Variants in UBL3 observed in about 807,000 individuals in gnomAD.
The protein encoded by UBL3 is ubiquitin-like protein 3.
Under a neutral mutation model 18.4 loss-of-function variants are expected in UBL3, and 6 were observed. That is an observed-to-expected ratio of 0.33 (90% confidence interval 0.18 to 0.64). The LOEUF (loss-of-function observed/expected upper bound fraction) is 0.64. Among genes scored for constraint, UBL3 ranks in the 30% least tolerant of loss-of-function variants. The pLI, the probability that UBL3 is intolerant of heterozygous loss-of-function variation, is 0.76. For missense variants in UBL3, 109 were observed against 142.9 expected (o/e 0.76, Z 1.21); for synonymous variants, 49 against 46.6 (o/e 1.05, Z -0.21).
At chr13:29,796,398 A>G (rs532627963) in intron 1 of UBL3, among the ~76,000 whole-genome samples, 167 of 152,336 alleles carry the variant, frequency 1.1e-3, no homozygotes, top group African/African-American at 3.7e-3. Context: ...TTAAACTGCA[A>G]TTATAAATTA....
intron 2 of UBL3, among the ~76,000 whole-genome samples, chr13:29,774,125 C>CT (rs757677987): frequency 2.3e-4 from 35 of 151,846 alleles, no homozygotes; most frequent in Non-Finnish European, 4.6e-4. Context: ...GAATCAAAAT[C>CT]TTTTTTTTGA....
At position 29,810,218 on chromosome 13, in the gene UBL3, T is replaced by C. The variant is rs183475693; in HGVS notation, c.28-32955A>G. Among the ~76,000 whole-genome samples, 182 of 152,148 alleles carry C rather than the reference T, an allele frequency of 1.2e-3. No individual in the cohort carries two copies. The Middle Eastern group carries it at 0.02, about 17-fold the overall frequency. On this transcript the variant is annotated intron_variant, in intron 1 of 4. Coordinates refer to ENST00000380680, the MANE Select transcript of UBL3 (RefSeq NM_007106.4). ...AATCCTAAATTTGTTTTTTAAAAAG[T>C]GGAGATGTTAAAAATAACTGGCCAC...
At chr13:29,804,896 T>C (rs564310906) in intron 1 of UBL3, among the ~76,000 whole-genome samples, 141 of 152,326 alleles carry the variant, frequency 9.3e-4, no homozygotes, top group Non-Finnish European at 1.7e-3. Context: ...CAGAAACAGC[T>C]TATAATGCAT....
intron 1 of UBL3, among the ~76,000 whole-genome samples, chr13:29,837,665 C>T (rs527445772): frequency 6.6e-5 from 10 of 152,202 alleles, no homozygotes; most frequent in African/African-American, 2.4e-4. Flanking sequence ...ACTTTGTAAT[C>T]ATGCTTGTAA....
intron 1 of UBL3, among the ~76,000 whole-genome samples, chr13:29,836,784 T>C (rs1417434037): frequency 6.6e-6 from 1 of 152,168 alleles, no homozygotes; most frequent in Non-Finnish European, 1.5e-5. Flanking sequence ...GGCCCAATAT[T>C]CTGTTCAACT....
chr13:29,835,181 T>A (rs1878928021), intron 1 of UBL3, among the ~76,000 whole-genome samples: 2 of 85,252 alleles, frequency 2.3e-5, no homozygotes, highest in Non-Finnish European at 4.5e-5. Context: ...TATATATATA[T>A]ATATCTCCAC....
chr13:29,816,627 T>TG (rs1878289486), intron 1 of UBL3, among the ~76,000 whole-genome samples: 1 of 151,684 alleles, frequency 6.6e-6, no homozygotes, highest in African/African-American at 2.4e-5. Flanking sequence ...TGGTGGCACA[T>TG]GCCTGTGGTC....
intron 1 of UBL3, among the ~76,000 whole-genome samples, chr13:29,780,937 G>C (rs1409039429): frequency 4.6e-5 from 7 of 152,168 alleles, no homozygotes; most frequent in Admixed American, 6.5e-5. Flanking sequence ...ACTTTGCGAG[G>C]CTGAGTCAAG....
rs1878889644 is a variant in UBL3 at position 29,835,095 on chromosome 13, T to TATATAAATATAA, written c.27+14416_27+14417insTTATATTTATAT. On this transcript the variant is annotated intron_variant, in intron 1 of 4. Coordinates refer to ENST00000380680, the MANE Select transcript of UBL3 (RefSeq NM_007106.4). ...AATAAAATATATAAATATAAATATA[T>TATATAAATATAA]ATATATATATAAATATATATATATA... is the stretch of plus-strand genomic sequence containing the variant. 1.4e-3 allele frequency among the ~76,000 whole-genome samples: 28 copies of TATATAAATATAA among 20,232 alleles called. 2 individuals carry two copies. The highest frequency in any genetic ancestry group is 1.8e-3 in the Non-Finnish European group (24 of 13,224). 13.3% of individuals were successfully genotyped at this position (20,232 alleles called of 152,430 possible). A position where few individuals can be genotyped will look rare whatever the true frequency, so the allele number is the denominator to read the frequency against.
At chr13:29,835,125 A>AATATATATATATATATATATATAT (rs59643985) in intron 1 of UBL3, among the ~76,000 whole-genome samples, 1 of 23,436 alleles carries the variant, frequency 4.3e-5, no homozygotes, top group Non-Finnish European at 6.8e-5. Context: ...TATATATATA[A>AATATATATATATATATATATATAT]ATATATATAT....
At chr13:29,792,545 C>T (rs142699907) in intron 1 of UBL3, among the ~76,000 whole-genome samples, 160 of 152,300 alleles carry the variant, frequency 1.1e-3, no homozygotes, top group African/African-American at 3.8e-3. Flanking sequence ...TTGTTTCACA[C>T]TGCCTCTGCT....
chr13:29,767,151 A>G lies in UBL3; in HGVS notation c.*104T>C. 6.6e-6 allele frequency: 8 copies of G among 1,218,438 alleles called. No homozygotes were observed. The highest frequency in any genetic ancestry group is 8.2e-6 in the Non-Finnish European group (7 of 852,140). The allele number at this position is 1,218,438 out of a possible 1,614,324, so 75.5% of individuals were successfully genotyped here. The stretch of plus-strand genomic sequence containing the variant: ...TGTGGTAATTCAGTTCCATGTGTTT[A>G]CAGGCAGACTGTTCTGAACGGTTTC... On this transcript the variant is annotated 3_prime_UTR_variant, in exon 5 of 5. Transcript: ENST00000380680.
At chr13:29,809,956 T>C (rs1038470422) in intron 1 of UBL3, among the ~76,000 whole-genome samples, 2 of 152,174 alleles carry the variant, frequency 1.3e-5, no homozygotes, top group Non-Finnish European at 2.9e-5. Flanking sequence ...TGCAGAAAAT[T>C]CAAGTTTTGC....
intron 1 of UBL3, among the ~76,000 whole-genome samples, chr13:29,792,775 A>G (rs1029730871): frequency 6.6e-6 from 1 of 152,226 alleles, no homozygotes. Context: ...ATAATTTATC[A>G]ATTTACTTAG....
intron 1 of UBL3, among the ~76,000 whole-genome samples, chr13:29,810,824 A>T (rs1205778804): frequency 6.6e-6 from 1 of 152,136 alleles, no homozygotes; most frequent in East Asian, 1.9e-4. Flanking sequence ...CTGCGCACAC[A>T]ACAGAAGGAT....
intron 1 of UBL3, among the ~76,000 whole-genome samples, chr13:29,789,434 A>G (rs1416540470): frequency 1.3e-5 from 2 of 152,272 alleles, no homozygotes; most frequent in Non-Finnish European, 2.9e-5. Context: ...AATCTTTCAT[A>G]TGCCAAAATC....
intron 1 of UBL3, among the ~76,000 whole-genome samples, chr13:29,801,987 G>A (rs1475907174): frequency 6.6e-6 from 1 of 152,236 alleles, no homozygotes; most frequent in African/African-American, 2.4e-5. Flanking sequence ...AAGGGCAGCA[G>A]TGTGCAGCCT....
At position 29,766,327 on chromosome 13, in the gene UBL3, C is replaced by A. The variant is rs1267562294; in HGVS notation, c.*928G>T. The A allele has an allele frequency of 6.6e-6, 1 of 152,250 alleles. No individual in the cohort carries two copies. The highest frequency in any genetic ancestry group is 1.5e-5 in the Non-Finnish European group (1 of 67,970). 9.4% of individuals were successfully genotyped at this position (152,250 alleles called of 1,614,324 possible). A position where few individuals can be genotyped will look rare whatever the true frequency, so the allele number is the denominator to read the frequency against. On this transcript the variant is annotated 3_prime_UTR_variant, in exon 5 of 5. Coordinates refer to ENST00000380680, the MANE Select transcript of UBL3 (RefSeq NM_007106.4). Reference sequence around the variant, plus strand: ...TTTTTTTTTAATTTTAAGAATTCATCTGAACTCTAAGGAGTAAGCATGACA... The same window carrying A: ...TTTTTTTTTAATTTTAAGAATTCATATGAACTCTAAGGAGTAAGCATGACA...
chr13:29,837,128 CG>C (rs1027410900), intron 1 of UBL3, among the ~76,000 whole-genome samples: 19 of 152,264 alleles, frequency 1.2e-4, no homozygotes, highest in African/African-American at 4.1e-4. Context: ...AAATCCTATA[CG>C]GAGAAACATA....
Sources: allele counts gnomAD v4.1 joint callset (sites outside exome capture counted in the v4.1 genomes callset), GRCh38; gene constraint gnomAD v4.1.1; transcripts MANE v1.5; gene names NCBI Gene and HGNC (gene_info 2026-07-23, HGNC 2026-07-21).